ZNF462: variants seen among roughly 807,000 people sequenced by gnomAD.
The protein encoded by ZNF462 is zinc finger PBX1-interacting protein.
Under a neutral mutation model 201.9 loss-of-function variants are expected in ZNF462, and 10 were observed. That is an observed-to-expected ratio of 0.05 (90% CI 0.03 to 0.08). The LOEUF (loss-of-function observed/expected upper bound fraction) is 0.08. Ranked by LOEUF, ZNF462 falls within the 10% of genes least tolerant of loss-of-function variation. The pLI, the probability that ZNF462 is intolerant of heterozygous loss-of-function variation, is 1.00. For missense variants in ZNF462, 2,523 were observed against 3,168.3 expected, an observed-to-expected ratio of 0.80 and a Z score of 4.89; for synonymous variants, 1,227 against 1,193.3, an observed-to-expected ratio of 1.03 and a Z score of -0.58.
Position 106,963,744 on chromosome 9 carries a change from A to G in ZNF462, c.6428-8261A>G, listed in dbSNP as rs538121903. ...TAACAAATTTCTAAGTATATAGGAT[A>G]GTATTGTTAACTGTATACACATTGT... is the stretch of plus-strand genomic sequence containing the variant. On this transcript the variant is annotated intron_variant, in intron 7 of 12. Transcript: ENST00000277225. This position sits in a 1 kb window ranked among gnomAD's most constrained non-coding sequence, Gnocchi z 4.7. Among the ~76,000 whole-genome samples the G allele has an allele frequency of 2.0e-5, 3 of 152,214 alleles. No homozygotes were observed. The South Asian group carries it at 6.2e-4, about 32-fold the overall frequency.
intron 7 of ZNF462, among the ~76,000 whole-genome samples, chr9:106,957,498 G>T (rs1465507354): frequency 1.3e-5 from 2 of 152,038 alleles, no homozygotes; most frequent in African/African-American, 2.4e-5. Flanking sequence ...CTGGAAAAAT[G>T]GTGTCAATAG....
chr9:106,946,933 CA>C (rs1176620314), intron 7 of ZNF462, among the ~76,000 whole-genome samples: 6 of 152,294 alleles, frequency 3.9e-5, no homozygotes, highest in African/African-American at 1.4e-4. Flanking sequence ...CCCAGGAAAG[CA>C]TGTCCAAATG....
chr9:106,899,972 A>T (rs1005107983), intron 1 of ZNF462, among the ~76,000 whole-genome samples: 1 of 151,892 alleles, frequency 6.6e-6, no homozygotes, highest in East Asian at 1.9e-4. Context: ...CCATATTTGT[A>T]GTCTTTTATC....
intron 7 of ZNF462, among the ~76,000 whole-genome samples, chr9:106,940,380 C>T (rs1366350753): frequency 6.6e-6 from 1 of 152,220 alleles, no homozygotes; most frequent in South Asian, 2.1e-4. Context: ...GTGTTTAAAA[C>T]AAGAGACTCT....
chr9:106,909,507 C>T (rs1015578232), intron 1 of ZNF462, among the ~76,000 whole-genome samples: 3 of 152,064 alleles, frequency 2.0e-5, no homozygotes, highest in East Asian at 1.9e-4. Flanking sequence ...TTGAACCTTC[C>T]GTTGGTTGTA....
chr9:106,916,530 G>A (rs926191148), intron 1 of ZNF462, among the ~76,000 whole-genome samples: 2 of 152,170 alleles, frequency 1.3e-5, no homozygotes, highest in African/African-American at 2.4e-5. Flanking sequence ...AAGCAACACC[G>A]TGATTTTCTG....
At chr9:106,878,257 G>A (rs1827924875) in intron 1 of ZNF462, among the ~76,000 whole-genome samples, 1 of 152,178 alleles carries the variant, frequency 6.6e-6, no homozygotes, top group African/African-American at 2.4e-5. Context: ...CATAATGTAT[G>A]TAAAGCATTC....
chr9:106,874,726 C>T (rs189448846), intron 1 of ZNF462, among the ~76,000 whole-genome samples: 4 of 152,268 alleles, frequency 2.6e-5, no homozygotes, highest in Admixed American at 6.5e-5. Flanking sequence ...CATCTTCTCC[C>T]GTGGCTTTGC....
chr9:106,981,787 A>G lies in ZNF462; in HGVS notation c.6833-2399A>G, dbSNP rs1827452123. 6.6e-6 allele frequency among the ~76,000 whole-genome samples: 1 copy of G among 152,194 alleles called. No individual in the cohort carries two copies. The highest frequency in any genetic ancestry group is 1.5e-5 in the Non-Finnish European group (1 of 68,012). ...TGAAAGAACTGATTATTAATTGTGG[A>G]GAAGTGAAGACTGGAGAGTCACTGA... is the stretch of plus-strand genomic sequence containing the variant. On this transcript the variant is annotated intron_variant, in intron 9 of 12. Coordinates refer to ENST00000277225, the MANE Select transcript of ZNF462 (RefSeq NM_021224.6). This position sits in a 1 kb window ranked among gnomAD's most constrained non-coding sequence, Gnocchi z 4.0.
At chr9:107,000,439 C>A (rs2132593016) in intron 10 of ZNF462, among the ~76,000 whole-genome samples, 1 of 152,024 alleles carries the variant, frequency 6.6e-6, no homozygotes, top group East Asian at 1.9e-4. Flanking sequence ...GGCAGTAATC[C>A]AGGTAAAAGA....
Position 106,932,973 on chromosome 9 carries a change from A to G in ZNF462, c.6116+424A>G, listed in dbSNP as rs962769866. On this transcript the variant is annotated intron_variant, in intron 5 of 12. Transcript: ENST00000277225. The surrounding 1 kb of genome is among the most constrained non-coding windows in gnomAD (Gnocchi z 6.8). ...TGTGACCAAAGAAACATTGCTTGCA[A>G]TTTTTCAAAAGATCTTGAAAGGTAA... is the stretch of plus-strand genomic sequence containing the variant. Among the ~76,000 whole-genome samples the G allele has an allele frequency of 7.9e-5, 12 of 152,192 alleles. No homozygotes were observed. Among genetic ancestry groups the G allele is most frequent in the African/African-American group, 2.9e-4 (12 of 41,438 alleles).
rs192475801 is a variant in ZNF462 at position 106,954,441 on chromosome 9, G to T, written c.6427+15334G>T. Among the ~76,000 whole-genome samples the T allele has an allele frequency of 6.6e-6, 1 of 151,670 alleles. No homozygotes were observed. Among genetic ancestry groups the T allele is most frequent in the African/African-American group, 2.4e-5 (1 of 41,256 alleles). On this transcript the variant is annotated intron_variant, in intron 7 of 12. Transcript: ENST00000277225. This position sits in a 1 kb window ranked among gnomAD's most constrained non-coding sequence, Gnocchi z 4.0. ...TCCCACAAGGTCCCTTCCTTGACAC[G>T]TGGGGATTACAATTAGAGATGAGAT... is the stretch of plus-strand genomic sequence containing the variant.
chr9:106,860,893 G>A (rs1426847765), upstream of ZNF462, among the ~76,000 whole-genome samples: 1 of 151,914 alleles, frequency 6.6e-6, no homozygotes, highest in East Asian at 1.9e-4. The surrounding 1 kb of genome is among the most constrained non-coding windows in gnomAD (Gnocchi z 7.1). Flanking sequence ...CACAAAGCCG[G>A]GATCATTTCA....
intron 1 of ZNF462, among the ~76,000 whole-genome samples, chr9:106,881,975 A>G (rs1165949320): frequency 6.6e-6 from 1 of 152,232 alleles, no homozygotes; most frequent in African/African-American, 2.4e-5. Context: ...TTCCAGGAAT[A>G]GCACAGATGT....
In ZNF462 at chr9:106,890,180, T is replaced by C. The variant is rs575559409; in HGVS notation, c.-31+26825T>C. Among the ~76,000 whole-genome samples, 23 of 152,344 alleles carry C rather than the reference T, an allele frequency of 1.5e-4. No individual in the cohort carries two copies. The South Asian group carries it at 4.4e-3, about 29-fold the overall frequency. ...AATCTAGTGGTGGCATTTAGCTCTTTTGGCAATAAAAACTATATGTGAGAA... is the reference window on the plus strand; with the variant it reads ...AATCTAGTGGTGGCATTTAGCTCTTCTGGCAATAAAAACTATATGTGAGAA... On this transcript the variant is annotated intron_variant, in intron 1 of 12. Coordinates refer to ENST00000277225, the MANE Select transcript of ZNF462 (RefSeq NM_021224.6). This position sits in a 1 kb window ranked among gnomAD's most constrained non-coding sequence, Gnocchi z 4.2.
intron 7 of ZNF462, among the ~76,000 whole-genome samples, chr9:106,941,977 C>T (rs1830892257): frequency 6.6e-6 from 1 of 152,118 alleles, no homozygotes. Context: ...AATCCAATTG[C>T]ACATTTTAAT....
chr9:106,987,393 CG>C (rs1464606230), intron 10 of ZNF462, among the ~76,000 whole-genome samples: 1 of 152,014 alleles, frequency 6.6e-6, no homozygotes, highest in East Asian at 1.9e-4. Context: ...ATTGTGGTTT[CG>C]ATTTGCATTT....
intron 1 of ZNF462, among the ~76,000 whole-genome samples, chr9:106,892,598 A>G (rs1828627673): frequency 6.6e-6 from 1 of 152,058 alleles, no homozygotes; most frequent in Non-Finnish European, 1.5e-5. Flanking sequence ...AACTGCATCA[A>G]GTCAGTTTCT....
chr9:107,007,185 G>A (rs1421952476), intron 11 of ZNF462, among the ~76,000 whole-genome samples: 2 of 152,126 alleles, frequency 1.3e-5, no homozygotes, highest in Non-Finnish European at 2.9e-5. Context: ...GATTTCAAAG[G>A]TTATAAGCAT....
Sources: allele counts gnomAD v4.1 joint callset (sites outside exome capture counted in the v4.1 genomes callset), GRCh38; gene constraint gnomAD v4.1.1; non-coding constraint Gnocchi (gnomAD v3.1); transcripts MANE v1.5; gene names NCBI Gene and HGNC (gene_info 2026-07-23, HGNC 2026-07-21).